OTUD7A: variants seen among roughly 807,000 people sequenced by gnomAD.
OTUD7A encodes the protein OTU deubiquitinase 7A.
OTUD7A carries 12 observed loss-of-function variants against 65.7 expected under a neutral mutation model. That is an observed-to-expected ratio of 0.18 (90% confidence interval 0.12 to 0.30). The LOEUF is 0.30. Among genes scored for constraint, OTUD7A ranks in the 10% least tolerant of loss-of-function variants. OTUD7A has a pLI of 1.00. For missense variants in OTUD7A, 1,148 were observed against 1,304.8 expected (o/e 0.88, Z 1.85); for synonymous variants, 641 against 586.3 (o/e 1.09, Z -1.35).
chr15:31,495,457 C>A (rs1165852235), intron 10 of OTUD7A, among the ~76,000 whole-genome samples: 1 of 152,226 alleles, frequency 6.6e-6, no homozygotes, highest in African/African-American at 2.4e-5. Flanking sequence ...TCAAAGATGA[C>A]AGACTTGAGA....
chr15:31,779,093 T>A (rs1895467189), intron 1 of OTUD7A, among the ~76,000 whole-genome samples: 1 of 152,178 alleles, frequency 6.6e-6, no homozygotes, highest in Non-Finnish European at 1.5e-5. Flanking sequence ...TTGGGTCACA[T>A]TTTAGAAGAT....
At chr15:31,845,026 C>T (rs1340706328) in intron 1 of OTUD7A, among the ~76,000 whole-genome samples, 1 of 152,230 alleles carries the variant, frequency 6.6e-6, no homozygotes, top group African/African-American at 2.4e-5. Context: ...CCTGTATGAG[C>T]TCTTCTCTCC....
chr15:31,550,669 G>A (rs974824489), intron 5 of OTUD7A, among the ~76,000 whole-genome samples: 2 of 152,156 alleles, frequency 1.3e-5, no homozygotes, highest in Non-Finnish European at 2.9e-5. Flanking sequence ...CACAGCAGAC[G>A]GCTGGCCCCC....
In OTUD7A at chr15:31,688,933, A is replaced by G. The variant is rs528137163; in HGVS notation, c.-99-31856T>C. On this transcript the variant is annotated intron_variant, in intron 1 of 12. Coordinates refer to ENST00000307050, the MANE Select transcript of OTUD7A (RefSeq NM_001382637.1). ...GTTCCAAGAGTCATAAAGCAAAAGA[A>G]TGGTTATGCTCTCAGTCAGATTAAA... Among the ~76,000 whole-genome samples the G allele has an allele frequency of 7.6e-4, 116 of 152,376 alleles. No homozygotes were observed. The Middle Eastern group carries it at 0.01, about 13-fold the overall frequency.
In OTUD7A at chr15:31,483,781, G is replaced by A. The variant is rs1249172122; in HGVS notation, c.2315C>T (p.Ala772Val). ...GTGGATGACGCTCTGGCGCGCTGGC[G>A]CCGGGGGGCTGCGGCCAGGCACTGG... ...SGPVPGRSPP[A>V]PARQSVIHVQ... The change falls in exon 13 of 13, where the codon GCG becomes GTG. Residue 772 changes from alanine to valine, a missense_variant. Ala to Val is a moderately conservative substitution (Grantham distance 64). This residue lies in a region of OTUD7A where 842 missense variants were observed against 769.5 expected (regional missense o/e 1.09). Coordinates refer to ENST00000307050, the MANE Select transcript of OTUD7A (RefSeq NM_001382637.1). 18 of 1,053,494 alleles carry A rather than the reference G, an allele frequency of 1.7e-5. No homozygotes were observed. The highest frequency in any genetic ancestry group is 2.1e-5 in the Non-Finnish European group (18 of 876,248). 65.3% of individuals were successfully genotyped at this position (1,053,494 alleles called of 1,614,324 possible). A position where few individuals can be genotyped will look rare whatever the true frequency, so the allele number is the denominator to read the frequency against.
chr15:31,676,291 T>G (rs919222847), intron 1 of OTUD7A, among the ~76,000 whole-genome samples: 3 of 151,990 alleles, frequency 2.0e-5, no homozygotes, highest in Non-Finnish European at 4.4e-5. Flanking sequence ...CAACAGACCT[T>G]TGCTTTTGCT....
At chr15:31,818,126 T>C (rs1205940182) in intron 1 of OTUD7A, among the ~76,000 whole-genome samples, 2 of 152,198 alleles carry the variant, frequency 1.3e-5, no homozygotes, top group African/African-American at 4.8e-5. Context: ...AGACAATGAA[T>C]ATGCCAGTGC....
chr15:31,570,015 T>C lies in OTUD7A; in HGVS notation c.331+3A>G. 6.2e-7 allele frequency: 1 copy of C among 1,613,798 alleles called. No individual in the cohort carries two copies. The highest frequency in any genetic ancestry group is 8.5e-7 in the Non-Finnish European group (1 of 1,180,004). On this transcript the variant is annotated splice_donor_region_variant and intron_variant, in intron 4 of 12. Coordinates refer to ENST00000307050, the MANE Select transcript of OTUD7A (RefSeq NM_001382637.1). ...GTGCCTAGGCTCAGTCCCTCAGCGG[T>C]ACCTTGGGCAATGTCGTCCTGCCTC...
At chr15:31,570,701 G>C (rs1339383491) in intron 3 of OTUD7A, among the ~76,000 whole-genome samples, 1 of 152,212 alleles carries the variant, frequency 6.6e-6, no homozygotes, top group Non-Finnish European at 1.5e-5. Context: ...GTGAGCTTTG[G>C]TGGGAGATAG....
rs1349981289 is a variant in OTUD7A, at chr15:31,483,517, T to C, written c.2579A>G (p.Asn860Ser). The change falls in exon 13 of 13, where the codon AAC (asparagine) becomes AGC (serine). Residue 860 changes from asparagine (N) to serine (S), a missense_variant. Around this residue, in one of 6 missense-constraint regions of OTUD7A, gnomAD observed 842 missense variants for 769.5 expected, o/e 1.09. Coordinates refer to ENST00000307050, the MANE Select transcript of OTUD7A (RefSeq NM_001382637.1). ...GCCGTCGCGCAGGGCGCCGAAGCCG[T>C]TGGTGTAGGTCTGCGACTTGTGCTC... ...AAEHKSQTYT[N>S]GFGALRDGLE... The C allele has an allele frequency of 3.6e-6, 5 of 1,391,966 alleles. No homozygotes were observed. In the South Asian group the frequency reaches 4.1e-5, roughly 12 times the overall value. 86.2% of individuals were successfully genotyped at this position (1,391,966 alleles called of 1,614,324 possible). A position where few individuals can be genotyped will look rare whatever the true frequency, so the allele number is the denominator to read the frequency against.
At chr15:31,559,216 AAGGG>A in intron 4 of OTUD7A, 29 bp from the exon 5 acceptor site, 1 of 1,599,452 alleles carries the variant, frequency 6.3e-7, no homozygotes, top group Non-Finnish European at 8.5e-7. Context: ...AGATAGCCCC[AAGGG>A]CTGAGTGGGT....
chr15:31,560,115 G>T (rs140113919), intron 4 of OTUD7A, among the ~76,000 whole-genome samples: 1 of 152,300 alleles, frequency 6.6e-6, no homozygotes, highest in African/African-American at 2.4e-5. Flanking sequence ...AGGACTAAAT[G>T]GTACAAGGGA....
chr15:31,581,588 G>T (rs1172174361), intron 3 of OTUD7A, among the ~76,000 whole-genome samples: 2 of 152,238 alleles, frequency 1.3e-5, no homozygotes, highest in Non-Finnish European at 2.9e-5. Flanking sequence ...GCACCTGCAG[G>T]CTTAACACCA....
At chr15:31,854,512 C>G (rs767957845) in intron 1 of OTUD7A, among the ~76,000 whole-genome samples, 1 of 152,160 alleles carries the variant, frequency 6.6e-6, no homozygotes, top group Admixed American at 6.6e-5. Flanking sequence ...CTTGGTCCCC[C>G]ACCTCCAATG....
At chr15:31,797,486 C>T (rs1408697003) in intron 1 of OTUD7A, among the ~76,000 whole-genome samples, 1 of 152,178 alleles carries the variant, frequency 6.6e-6, no homozygotes, top group Non-Finnish European at 1.5e-5. Flanking sequence ...GCTCTCAGCA[C>T]CCTCTCCCTG....
At chr15:31,590,394 T>C (rs1566933769) in intron 3 of OTUD7A, among the ~76,000 whole-genome samples, 2 of 152,252 alleles carry the variant, frequency 1.3e-5, no homozygotes, top group African/African-American at 2.4e-5. Flanking sequence ...TGTGTGTTTA[T>C]TATTGTATAT....
chr15:31,615,873 G>A (rs1039144812), intron 3 of OTUD7A, among the ~76,000 whole-genome samples: 4 of 152,222 alleles, frequency 2.6e-5, no homozygotes, highest in African/African-American at 9.6e-5. Flanking sequence ...TTGGCAGAAT[G>A]CCTTGGGATC....
At chr15:31,538,711 G>C (rs1887886147) in intron 5 of OTUD7A, among the ~76,000 whole-genome samples, 1 of 152,136 alleles carries the variant, frequency 6.6e-6, no homozygotes, top group Non-Finnish European at 1.5e-5. Flanking sequence ...ATTTTGTAAA[G>C]TGCCAAAAGA....
intron 3 of OTUD7A, among the ~76,000 whole-genome samples, chr15:31,599,392 T>A (rs1378780894): frequency 6.6e-6 from 1 of 152,112 alleles, no homozygotes; most frequent in Non-Finnish European, 1.5e-5. Flanking sequence ...TCCAGCAAAC[T>A]CCAGCAGGCC....
Sources: gnomAD v4.1 joint callset for allele counts (sites outside exome capture counted in the v4.1 genomes callset) on GRCh38, gnomAD v4.1.1 for gene constraint, gnomAD v4.1.1 regional missense constraint, MANE v1.5 for transcripts, NCBI Gene and HGNC (gene_info 2026-07-23, HGNC 2026-07-21) for gene names.